Variants in PRKD1 observed in about 807,000 individuals in gnomAD.
The protein encoded by PRKD1 is serine/threonine-protein kinase D1.
Under a neutral mutation model 95.9 loss-of-function variants are expected in PRKD1, and 63 were observed. The ratio of observed to expected loss-of-function variants is 0.66; its 90% CI spans 0.54 to 0.81. The LOEUF is 0.81. PRKD1 is among the 30% of genes least tolerant of loss of function. The pLI is 0.00. For missense variants in PRKD1, 1,048 were observed against 1,165.3 expected (o/e 0.90, Z 1.47); for synonymous variants, 425 against 423.1 (o/e 1.00, Z -0.05).
intron 11 of PRKD1, among the ~76,000 whole-genome samples, chr14:29,627,426 C>T (rs545799154): frequency 1.3e-5 from 2 of 152,328 alleles, no homozygotes; most frequent in East Asian, 1.9e-4. Context: ...TAGCTAAACT[C>T]GTCCAATTTC....
intron 1 of PRKD1, among the ~76,000 whole-genome samples, chr14:29,869,345 C>G (rs1371930633): frequency 1.3e-5 from 2 of 151,456 alleles, no homozygotes; most frequent in Non-Finnish European, 2.9e-5. Flanking sequence ...CAAGAGGAGG[C>G]AGGAGAATTG....
At chr14:29,877,206 T>C (rs574047390) in intron 1 of PRKD1, among the ~76,000 whole-genome samples, 2 of 152,052 alleles carry the variant, frequency 1.3e-5, no homozygotes, top group East Asian at 1.9e-4. Context: ...GAATAACAAG[T>C]GTTGACAAGA....
chr14:29,845,166 A>G (rs1342355458), intron 1 of PRKD1, among the ~76,000 whole-genome samples: 1 of 152,320 alleles, frequency 6.6e-6, no homozygotes, highest in Admixed American at 6.5e-5. Context: ...AATATTTACA[A>G]TTCTAAAGAT....
intron 1 of PRKD1, among the ~76,000 whole-genome samples, chr14:29,796,066 T>C (rs1167657546): frequency 1.3e-5 from 2 of 152,290 alleles, no homozygotes; most frequent in South Asian, 2.1e-4. Context: ...AACACTCTTC[T>C]AAACAAGCAA....
At chr14:29,595,604 A>G (rs1265390689) in intron 16 of PRKD1, among the ~76,000 whole-genome samples, 8 of 152,164 alleles carry the variant, frequency 5.3e-5, no homozygotes, top group Non-Finnish European at 8.8e-5. Flanking sequence ...TTAAAAGTTC[A>G]TAATTTATAA....
intron 1 of PRKD1, among the ~76,000 whole-genome samples, chr14:29,802,647 A>T (rs1260152752): frequency 6.6e-6 from 1 of 152,242 alleles, no homozygotes; most frequent in Non-Finnish European, 1.5e-5. Context: ...AAAAGATTGG[A>T]ACCTGAGGAA....
intron 1 of PRKD1, among the ~76,000 whole-genome samples, chr14:29,903,377 G>A (rs1489035184): frequency 6.6e-6 from 1 of 152,194 alleles, no homozygotes; most frequent in Non-Finnish European, 1.5e-5. Flanking sequence ...AAATCTGGGA[G>A]AAGGGACAGA....
rs150599710 is a variant in PRKD1 at position 29,577,254 on chromosome 14, C to T, written c.2723G>A (p.Arg908His). Reference sequence around the variant, plus strand: ...AGATGGAACTCAGAGGATGCTGACACGCTCACCGAGGGCTTTCATTTCTGT... The same window carrying T: ...AGATGGAACTCAGAGGATGCTGACATGCTCACCGAGGGCTTTCATTTCTGT... The part of the protein sequence containing the change: ...EETEMKALGE[R>H]VSIL The change falls in exon 18 of 18, where the codon CGT becomes CAT. Residue 908 changes from arginine (R) to histidine (H), a missense_variant. Physicochemically the swap from Arg to His is conservative, Grantham distance 29 (BLOSUM62 0). Coordinates refer to ENST00000331968, the MANE Select transcript of PRKD1 (RefSeq NM_002742.3). 423 of 1,612,862 alleles carry T rather than the reference C, an allele frequency of 2.6e-4. No individual in the cohort carries two copies. Among genetic ancestry groups the T allele is most frequent in the Middle Eastern group, 3.4e-4 (2 of 5,882 alleles).
intron 1 of PRKD1, among the ~76,000 whole-genome samples, chr14:29,838,381 C>T (rs1444116824): frequency 3.3e-5 from 5 of 152,176 alleles, no homozygotes; most frequent in Admixed American, 6.5e-5. Flanking sequence ...AAGTGCTTCA[C>T]ATCTGTTGTT....
intron 16 of PRKD1, chr14:29,591,356 T>A (rs1272048333): frequency 6.6e-6 from 1 of 152,172 alleles, no homozygotes; most frequent in Non-Finnish European, 1.5e-5. Flanking sequence ...AATGATTTTA[T>A]AAATTTTATA....
intron 1 of PRKD1, among the ~76,000 whole-genome samples, chr14:29,751,514 A>G (rs922368839): frequency 4.6e-5 from 7 of 152,230 alleles, no homozygotes; most frequent in African/African-American, 1.4e-4. Context: ...AGTCAAGGGA[A>G]TCAGAGATAC....
Position 29,638,478 on chromosome 14 carries a change from C to G in PRKD1, c.985+11G>C. 6.2e-7 allele frequency: 1 copy of G among 1,613,392 alleles called. No homozygotes were observed. The highest frequency in any genetic ancestry group is 8.5e-7 in the Non-Finnish European group (1 of 1,179,300). On this transcript the variant is annotated intron_variant, in intron 6 of 17. Coordinates refer to ENST00000331968, the MANE Select transcript of PRKD1 (RefSeq NM_002742.3). ...AAGAAGCACAGACATGACAGCTGAT[C>G]TTTTACCTACCTCCATTAATGGTCA...
intron 14 of PRKD1, 58 bp from the exon 15 acceptor site, chr14:29,599,183 A>G (rs1442157845): frequency 4.1e-6 from 6 of 1,477,870 alleles, no homozygotes; most frequent in Non-Finnish European, 5.6e-6. Flanking sequence ...AATGTCTTCT[A>G]CCAGTTAAAA....
intron 2 of PRKD1, among the ~76,000 whole-genome samples, chr14:29,688,465 G>T (rs891962413): frequency 6.6e-6 from 1 of 152,110 alleles, no homozygotes; most frequent in Non-Finnish European, 1.5e-5. Flanking sequence ...TTAGGAAAAT[G>T]AAATGAGAAC....
At chr14:29,778,619 C>A (rs1052771944) in intron 1 of PRKD1, among the ~76,000 whole-genome samples, 8 of 152,160 alleles carry the variant, frequency 5.3e-5, no homozygotes, top group African/African-American at 1.9e-4. Context: ...AGACAAATAA[C>A]AGGCTCTGAA....
In PRKD1 at chr14:29,873,188, C is replaced by T. The variant is rs555051809; in HGVS notation, c.264+54061G>A. 1.2e-4 allele frequency among the ~76,000 whole-genome samples: 19 copies of T among 152,210 alleles called. No individual in the cohort carries two copies. The South Asian group carries it at 3.5e-3, about 28-fold the overall frequency. ...GCAACCTCCACCTCCCAGGTTCAAG[C>T]GATTCTCCTGCCTCAGCCTCCTGAG... is the stretch of plus-strand genomic sequence containing the variant. On this transcript the variant is annotated intron_variant, in intron 1 of 17. Coordinates refer to ENST00000331968, the MANE Select transcript of PRKD1 (RefSeq NM_002742.3).
intron 13 of PRKD1, among the ~76,000 whole-genome samples, chr14:29,621,043 A>C (rs1400181559): frequency 6.6e-6 from 1 of 151,936 alleles, no homozygotes; most frequent in African/African-American, 2.4e-5. Flanking sequence ...CTTTGTAGGG[A>C]CATGGATGAA....
intron 1 of PRKD1, among the ~76,000 whole-genome samples, chr14:29,882,872 T>C (rs1893562499): frequency 6.6e-6 from 1 of 152,220 alleles, no homozygotes; most frequent in South Asian, 2.1e-4. Flanking sequence ...TGTGTGTGTG[T>C]GTGCACGTGT....
At position 29,745,113 on chromosome 14, in the gene PRKD1, C is replaced by G. The variant is rs186744352; in HGVS notation, c.265-19439G>C. Among the ~76,000 whole-genome samples the G allele has an allele frequency of 2.1e-3, 322 of 152,308 alleles. 2 individuals carry two copies. The highest frequency in any genetic ancestry group is 3.5e-3 in the Non-Finnish European group (235 of 68,028). ...TTCCTCTATATTCACATGGCTAATT[C>G]CTCATTTTGCTCGTGTCACCTCCTT... On this transcript the variant is annotated intron_variant, in intron 1 of 17. Coordinates refer to ENST00000331968, the MANE Select transcript of PRKD1 (RefSeq NM_002742.3).
Sources: gnomAD v4.1 joint callset for allele counts (sites outside exome capture counted in the v4.1 genomes callset) on GRCh38, gnomAD v4.1.1 for gene constraint, MANE v1.5 for transcripts, NCBI Gene and HGNC (gene_info 2026-07-23, HGNC 2026-07-21) for gene names.